COL25A1: variants seen among roughly 807,000 people sequenced by gnomAD.
The protein encoded by COL25A1 is collagen type XXV alpha 1 chain.
In COL25A1, 103 loss-of-function variants were observed where a neutral mutation model predicts 128.4. The ratio of observed to expected loss-of-function variants is 0.80; its 90% CI spans 0.68 to 0.94. COL25A1 has a LOEUF of 0.94. Ranked by LOEUF, COL25A1 falls within the 40% of genes least tolerant of loss-of-function variation. COL25A1 has a pLI of 0.00. For synonymous variants in COL25A1, 279 were observed against 277.2 expected, an observed-to-expected ratio of 1.01 and a Z score of -0.06; for missense variants, 745 against 840.0, an observed-to-expected ratio of 0.89 and a Z score of 1.40.
intron 31 of COL25A1, chr4:108,838,303 T>C (rs1275532193): frequency 6.0e-6 from 4 of 669,666 alleles, no homozygotes; most frequent in Admixed American, 5.5e-5. Context: ...CAGGCTAGAT[T>C]TGTCTTGCAC....
intron 32 of COL25A1, among the ~76,000 whole-genome samples, chr4:108,827,441 A>C (rs1485339252): frequency 6.6e-6 from 1 of 152,244 alleles, no homozygotes; most frequent in Non-Finnish European, 1.5e-5. Context: ...TGCATATCTC[A>C]GATGTCATAC....
intron 3 of COL25A1, among the ~76,000 whole-genome samples, chr4:109,296,696 G>C (rs545003208): frequency 1.3e-5 from 2 of 152,152 alleles, no homozygotes; most frequent in South Asian, 4.1e-4. Context: ...TAATGACAAA[G>C]CCAGGATTAG....
intron 6 of COL25A1, among the ~76,000 whole-genome samples, chr4:108,984,393 C>A (rs992341038): frequency 1.3e-5 from 2 of 152,260 alleles, no homozygotes; most frequent in African/African-American, 2.4e-5. Context: ...TGCGCCTGCA[C>A]TCCTCAGCCC....
At chr4:108,893,315 T>C (rs1487981643) in intron 16 of COL25A1, among the ~76,000 whole-genome samples, 1 of 152,162 alleles carries the variant, frequency 6.6e-6, no homozygotes. Context: ...CCATTTAGTG[T>C]GCAGCACAAA....
chr4:109,100,382 C>T (rs917537895), intron 3 of COL25A1, among the ~76,000 whole-genome samples: 49 of 140,692 alleles, frequency 3.5e-4, no homozygotes, highest in African/African-American at 1.2e-3. Flanking sequence ...ACAAAAAGTA[C>T]AAAAACTAGA....
chr4:108,916,988 C>A (rs1479964728), intron 13 of COL25A1, among the ~76,000 whole-genome samples: 3 of 152,122 alleles, frequency 2.0e-5, no homozygotes, highest in Non-Finnish European at 4.4e-5. Context: ...TTTCACTTAA[C>A]TGAAGTGAAG....
At chr4:109,265,518 C>CGT (rs57643656) in intron 3 of COL25A1, among the ~76,000 whole-genome samples, 10,975 of 129,582 alleles carry the variant, frequency 0.085, 473 homozygotes, top group Non-Finnish European at 0.11. Flanking sequence ...AATAACAGTA[C>CGT]GTGTGTGTGT....
At chr4:109,091,980 G>T (rs1399213269) in intron 3 of COL25A1, among the ~76,000 whole-genome samples, 1 of 152,196 alleles carries the variant, frequency 6.6e-6, no homozygotes, top group Non-Finnish European at 1.5e-5. Context: ...TTTATGACAT[G>T]TTGGTCAGGA....
chr4:108,980,618 A>C (rs572236659), intron 6 of COL25A1, among the ~76,000 whole-genome samples: 1 of 152,346 alleles, frequency 6.6e-6, no homozygotes, highest in African/African-American at 2.4e-5. Flanking sequence ...CATTGAGCAG[A>C]AGCAGCACAG....
At chr4:109,253,197 CAG>C (rs1780780403) in intron 3 of COL25A1, among the ~76,000 whole-genome samples, 2 of 152,172 alleles carry the variant, frequency 1.3e-5, no homozygotes, top group Non-Finnish European at 2.9e-5. Context: ...TTCTGAGAAA[CAG>C]AGCCAATATG....
chr4:109,175,943 T>G (rs1435268383), intron 3 of COL25A1, among the ~76,000 whole-genome samples: 1 of 152,228 alleles, frequency 6.6e-6, no homozygotes, highest in African/African-American at 2.4e-5. Flanking sequence ...CCTTAACTTA[T>G]AGTGAAGAAT....
chr4:108,846,061 ACT>A (rs1224650610), intron 28 of COL25A1, 76 bp downstream of exon 28: 1 of 949,396 alleles, frequency 1.1e-6, no homozygotes, highest in Non-Finnish European at 1.7e-6. Context: ...TAATAATATA[ACT>A]CTTTTCTGAT....
At chr4:109,089,169 T>C (rs1390218934) in intron 3 of COL25A1, among the ~76,000 whole-genome samples, 1 of 152,126 alleles carries the variant, frequency 6.6e-6, no homozygotes, top group South Asian at 2.1e-4. Context: ...CATCACATTG[T>C]GGGAAAAAAT....
chr4:109,197,033 C>T (rs1405454881), intron 3 of COL25A1, among the ~76,000 whole-genome samples: 1 of 151,854 alleles, frequency 6.6e-6, no homozygotes, highest in Admixed American at 6.6e-5. Context: ...AGTCACAGGA[C>T]AGGGCCAGTT....
intron 31 of COL25A1, chr4:108,834,285 AG>A: frequency 6.9e-7 from 1 of 1,439,278 alleles, no homozygotes; most frequent in African/African-American, 1.4e-5. Flanking sequence ...CATGGAGCAA[AG>A]GGGTCTGTGC....
chr4:109,104,337 C>T (rs1766196274), intron 3 of COL25A1, among the ~76,000 whole-genome samples: 1 of 152,016 alleles, frequency 6.6e-6, no homozygotes, highest in South Asian at 2.1e-4. Context: ...TGTGCCACTA[C>T]ACTCCAGCCT....
chr4:108,861,082 G>A (rs1036571454), intron 22 of COL25A1, 111 bp from the exon 23 acceptor site: 61 of 860,838 alleles, frequency 7.1e-5, no homozygotes, highest in Non-Finnish European at 1.1e-4. Flanking sequence ...AACTTCTGAA[G>A]TGAAAAACAA....
At chr4:109,221,495 T>C (rs1177039313) in intron 3 of COL25A1, among the ~76,000 whole-genome samples, 1 of 152,224 alleles carries the variant, frequency 6.6e-6, no homozygotes, top group Non-Finnish European at 1.5e-5. Context: ...GAACCTAGCA[T>C]GTTTTTGCTG....
At chr4:109,096,574 C>T (rs1765417382) in intron 3 of COL25A1, among the ~76,000 whole-genome samples, 1 of 133,052 alleles carries the variant, frequency 7.5e-6, no homozygotes, top group Non-Finnish European at 1.6e-5. Flanking sequence ...GTCATGTCCA[C>T]ACAATGACAA....
Sources: gnomAD v4.1 joint callset for allele counts (sites outside exome capture counted in the v4.1 genomes callset) on GRCh38, gnomAD v4.1.1 for gene constraint, MANE v1.5 for transcripts, NCBI Gene and HGNC (gene_info 2026-07-23, HGNC 2026-07-21) for gene names.